The following BFSP1 variants were observed in gnomAD, a reference collection of about 807,000 sequenced individuals.
The protein encoded by BFSP1 is filensin.
Under a neutral mutation model 43.9 loss-of-function variants are expected in BFSP1, and 38 were observed. The ratio of observed to expected loss-of-function variants is 0.87; its 90% CI spans 0.67 to 1.14. The LOEUF is 1.14. Ranked by LOEUF, BFSP1 falls within the 50% of genes most tolerant of loss-of-function variation. BFSP1 has a pLI of 0.00. For missense variants in BFSP1, 850 were observed against 875.1 expected (o/e 0.97, Z 0.36); for synonymous variants, 352 against 354.8 (o/e 0.99, Z 0.09).
chr20:17,519,835 G>C (rs979416034), intron 2 of BFSP1, among the ~76,000 whole-genome samples: 2 of 152,236 alleles, frequency 1.3e-5, no homozygotes, highest in Non-Finnish European at 2.9e-5. Flanking sequence ...GGGCCCACTG[G>C]AATGTACAGC....
In BFSP1 at chr20:17,531,325, T is replaced by C; in HGVS notation, c.5A>G (p.Tyr2Cys). Residue 2 changes from tyrosine (Y) to cysteine (C), a missense_variant, in exon 1 of 8, where the codon TAC becomes TGC. Tyr to Cys is a radical substitution (Grantham distance 194). Coordinates refer to ENST00000377873, the MANE Select transcript of BFSP1 (RefSeq NM_001195.5). Reference protein sequence around the residue: MYRRSYVFQTRK... With the variant: MCRRSYVFQTRK... The stretch of plus-strand genomic sequence containing the variant: ...GGTCTGGAAGACGTAGCTGCGCCGG[T>C]ACATGGCTGCTCTGGCGCGGGCGCG... The C allele has an allele frequency of 6.9e-7, 1 of 1,444,416 alleles. No homozygotes were observed. Among genetic ancestry groups the C allele is most frequent in the Non-Finnish European group, 9.1e-7 (1 of 1,104,912 alleles). 89.5% of individuals were successfully genotyped at this position (1,444,416 alleles called of 1,614,324 possible). A position where few individuals can be genotyped will look rare whatever the true frequency, so the allele number is the denominator to read the frequency against.
chr20:17,496,835 C>T, intron 7 of BFSP1, 103 bp downstream of exon 7: 1 of 1,018,636 alleles, frequency 9.8e-7, no homozygotes, highest in Non-Finnish European at 1.4e-6. Flanking sequence ...CATTTAATTT[C>T]CAGATGGATC....
chr20:17,558,097 T>C (rs2035023030), intron 1 of BFSP1, among the ~76,000 whole-genome samples: 2 of 151,850 alleles, frequency 1.3e-5, no homozygotes, highest in African/African-American at 2.4e-5. Flanking sequence ...CCAAGATGGC[T>C]AGCATCTTAT....
At chr20:17,512,091 CTCATTA>C (rs745320829) in intron 3 of BFSP1, 23 bp from the exon 4 acceptor site, 68 of 1,562,802 alleles carry the variant, frequency 4.4e-5, no homozygotes, top group Admixed American at 2.8e-4. Flanking sequence ...GGAAAACATT[CTCATTA>C]TAAGTTGAGC....
intron 1 of BFSP1, among the ~76,000 whole-genome samples, chr20:17,553,776 C>CATATATATATATATATATAT (rs1204969085): frequency 6.6e-5 from 7 of 106,214 alleles, no homozygotes; most frequent in Admixed American, 2.0e-4. Context: ...AATATATAAA[C>CATATATATATATATATATAT]ATATATATAT....
chr20:17,519,539 G>C (rs1446133241), intron 2 of BFSP1, among the ~76,000 whole-genome samples: 1 of 152,180 alleles, frequency 6.6e-6, no homozygotes, highest in Non-Finnish European at 1.5e-5. Flanking sequence ...AACAGGCCTG[G>C]AACCTACCAT....
At chr20:17,539,614 A>C (rs1157537822) in intron 1 of BFSP1, among the ~76,000 whole-genome samples, 1 of 151,964 alleles carries the variant, frequency 6.6e-6, no homozygotes. Context: ...AATACAAAAA[A>C]TTAGCTGAGC....
intron 4 of BFSP1, among the ~76,000 whole-genome samples, chr20:17,510,225 C>T (rs989928138): frequency 6.6e-6 from 1 of 152,176 alleles, no homozygotes; most frequent in Non-Finnish European, 1.5e-5. Flanking sequence ...ACACTCTGCA[C>T]GTCTCACAAG....
At chr20:17,567,120 C>T (rs1360491423) in intron 1 of BFSP1, among the ~76,000 whole-genome samples, 2 of 152,128 alleles carry the variant, frequency 1.3e-5, no homozygotes, top group East Asian at 1.9e-4. Flanking sequence ...AAAACTCTTT[C>T]CCTCCGTGTG....
At chr20:17,565,059 A>G (rs945880301) in intron 1 of BFSP1, among the ~76,000 whole-genome samples, 1 of 151,964 alleles carries the variant, frequency 6.6e-6, no homozygotes, top group Non-Finnish European at 1.5e-5. Context: ...TAACAAAGTA[A>G]GAAAAAAAAA....
chr20:17,566,845 G>T (rs1339825332), intron 1 of BFSP1, among the ~76,000 whole-genome samples: 1 of 152,062 alleles, frequency 6.6e-6, no homozygotes, highest in Non-Finnish European at 1.5e-5. Flanking sequence ...GTAGAGACGG[G>T]GTTTCACCAT....
intron 1 of BFSP1, among the ~76,000 whole-genome samples, chr20:17,553,808 C>T (rs374928113): frequency 0.24 from 22,552 of 94,024 alleles, 4,460 homozygotes; most frequent in African/African-American, 0.53. Flanking sequence ...CACACACACA[C>T]ACACACACAC....
chr20:17,518,285 T>C (rs16999363), intron 2 of BFSP1, among the ~76,000 whole-genome samples: 2,808 of 152,162 alleles, frequency 0.018, 97 homozygotes, highest in African/African-American at 0.064. Context: ...AATCTAACTA[T>C]GGGACTTAGC....
At position 17,514,753 on chromosome 20, in the gene BFSP1, C is replaced by A; in HGVS notation, c.502G>T (p.Asp168Tyr). 1 of 1,614,098 alleles carries A rather than the reference C, an allele frequency of 6.2e-7. No individual in the cohort carries two copies. The highest frequency in any genetic ancestry group is 8.5e-7 in the Non-Finnish European group (1 of 1,179,976). Residue 168 changes from aspartate (D) to tyrosine (Y), a missense_variant, in exon 3 of 8, where the codon GAT (aspartate) becomes TAT (tyrosine). Coordinates refer to ENST00000377873, the MANE Select transcript of BFSP1 (RefSeq NM_001195.5). ...LQLEAQFLQD[D>Y]ISAAKDRHKK... The stretch of plus-strand genomic sequence containing the variant: ...TGCCTGTCCTTTGCCGCACTGATAT[C>A]ATCTTGCAGAAATTGGGCTTCCAGC...
rs2033726129 is a variant in BFSP1 at position 17,498,977 on chromosome 20, A to G, written c.799T>C (p.Tyr267His). The change falls in exon 6 of 8, where the codon TAT becomes CAT. Residue 267 changes from tyrosine to histidine, a missense_variant. Tyr to His is a moderately conservative substitution (Grantham distance 83). Coordinates refer to ENST00000377873, the MANE Select transcript of BFSP1 (RefSeq NM_001195.5). ...HECYDDEIQL[Y>H]NEQIETLRKE... ...CGCAGTGTCTCAATCTGCTCGTTAT[A>G]AAGCTGAATCTCATCGTCATAACAC... 2 of 1,614,166 alleles carry G rather than the reference A, an allele frequency of 1.2e-6. No homozygotes were observed. The highest frequency in any genetic ancestry group is 1.7e-6 in the Non-Finnish European group (2 of 1,180,026).
intron 1 of BFSP1, among the ~76,000 whole-genome samples, chr20:17,543,585 T>C (rs1409968598): frequency 3.9e-5 from 6 of 152,108 alleles, no homozygotes; most frequent in Non-Finnish European, 7.3e-5. Context: ...TTCTGGCATG[T>C]GACTCAGATT....
In BFSP1 at chr20:17,495,000, C is replaced by T; in HGVS notation, c.1072G>A (p.Ala358Thr). The T allele has an allele frequency of 6.2e-7, 1 of 1,613,570 alleles. No homozygotes were observed. Residue 358 changes from alanine to threonine, a missense_variant, in exon 8 of 8, where the codon GCA becomes ACA. Ala to Thr is a moderately conservative substitution (Grantham distance 58, BLOSUM62 0). Coordinates refer to ENST00000377873, the MANE Select transcript of BFSP1 (RefSeq NM_001195.5). ...DLTRALQDIT[A>T]AKPRQKALPK... ...AGGGCTTTTTGTCTTGGTTTTGCTG[C>T]TGTTATATCCTGCAGAGCTCTGGTA...
At chr20:17,536,640 T>C (rs1251190009) in intron 1 of BFSP1, among the ~76,000 whole-genome samples, 2 of 152,248 alleles carry the variant, frequency 1.3e-5, no homozygotes, top group African/African-American at 2.4e-5. Context: ...AAAATAGGCT[T>C]AGATGTTTTG....
chr20:17,498,724 T>G (rs2123457001), intron 6 of BFSP1, 96 bp downstream of exon 6: 2 of 1,373,598 alleles, frequency 1.5e-6, no homozygotes, highest in Non-Finnish European at 2.0e-6. Flanking sequence ...CCCTGACACA[T>G]GCCCACTGCC....
Sources: allele counts gnomAD v4.1 joint callset (sites outside exome capture counted in the v4.1 genomes callset), GRCh38; gene constraint gnomAD v4.1.1; transcripts MANE v1.5; gene names NCBI Gene and HGNC (gene_info 2026-07-23, HGNC 2026-07-21).